ATF7IP2: variants seen among roughly 807,000 people sequenced by gnomAD.
ATF7IP2 encodes activating transcription factor 7-interacting protein 2.
A neutral mutation model predicts 64.2 loss-of-function variants in ATF7IP2; 42 were observed. The observed-to-expected ratio is 0.65, with a 90% confidence interval of 0.51 to 0.85. The LOEUF (loss-of-function observed/expected upper bound fraction) is 0.85. Among genes scored for constraint, ATF7IP2 ranks in the 40% least tolerant of loss-of-function variants. The pLI is 0.00. For synonymous variants in ATF7IP2, 308 were observed against 272.8 expected (o/e 1.13, Z -1.27); for missense variants, 933 against 784.2 (o/e 1.19, Z -2.27).
intron 1 of ATF7IP2, among the ~76,000 whole-genome samples, chr16:10,406,157 G>A (rs184068055): frequency 4.1e-4 from 63 of 152,244 alleles, no homozygotes; most frequent in African/African-American, 1.5e-3. Context: ...TCAGGCTGGA[G>A]TGCAGTGGTG....
intron 9 of ATF7IP2, among the ~76,000 whole-genome samples, chr16:10,458,942 T>G (rs2049274457): frequency 6.6e-6 from 1 of 152,020 alleles, no homozygotes; most frequent in Non-Finnish European, 1.5e-5. Flanking sequence ...TCCCAGCAGT[T>G]TGGGAGGCTG....
intron 12 of ATF7IP2, among the ~76,000 whole-genome samples, chr16:10,477,006 G>A (rs2050034231): frequency 6.6e-6 from 1 of 151,954 alleles, no homozygotes; most frequent in Admixed American, 6.6e-5. Flanking sequence ...TATTCCTTTG[G>A]GTAAATACCC....
intron 9 of ATF7IP2, among the ~76,000 whole-genome samples, chr16:10,461,949 G>C (rs1279090333): frequency 6.6e-6 from 1 of 151,990 alleles, no homozygotes; most frequent in Non-Finnish European, 1.5e-5. Flanking sequence ...CTTACTACCT[G>C]TTTTCTGTTT....
chr16:10,473,909 T>TTTTTTA lies in ATF7IP2; in HGVS notation c.1483-14_1483-13insTTTTTA. ...TGAGGCAAAGCTTTTTTTTTTTTTT[T>TTTTTTA]ACAATTTTTTTAGGCTGTACAGAAG... On this transcript the variant is annotated splice_polypyrimidine_tract_variant and intron_variant, in intron 11 of 13. Transcript: ENST00000562102. The TTTTTTA allele has an allele frequency of 2.1e-6, 3 of 1,409,306 alleles. No individual in the cohort carries two copies. Among genetic ancestry groups the TTTTTTA allele is most frequent in the African/African-American group, 1.5e-5 (1 of 65,602 alleles). 87.3% of individuals were successfully genotyped at this position (1,409,306 alleles called of 1,614,324 possible).
chr16:10,392,978 C>T (rs2047356694), intron 1 of ATF7IP2, among the ~76,000 whole-genome samples: 1 of 151,832 alleles, frequency 6.6e-6, no homozygotes, highest in Non-Finnish European at 1.5e-5. Context: ...CAACGTGAAT[C>T]CATGTCTCCA....
At chr16:10,479,565 T>C (rs1378892203) in intron 12 of ATF7IP2, among the ~76,000 whole-genome samples, 1 of 151,926 alleles carries the variant, frequency 6.6e-6, no homozygotes, top group Non-Finnish European at 1.5e-5. Flanking sequence ...GACGAGTTAA[T>C]GGGTGCAGCA....
intron 8 of ATF7IP2, chr16:10,446,900 T>A (rs933735499): frequency 6.6e-6 from 1 of 152,156 alleles, no homozygotes; most frequent in Non-Finnish European, 1.5e-5. Context: ...GCTGGAGATT[T>A]CTTGCCTTTC....
intron 3 of ATF7IP2, among the ~76,000 whole-genome samples, chr16:10,422,965 C>G (rs2048015481): frequency 6.6e-6 from 1 of 152,220 alleles, no homozygotes. Context: ...AAACTAGAGG[C>G]CAGGTGCAGT....
intron 1 of ATF7IP2, among the ~76,000 whole-genome samples, chr16:10,408,951 G>A (rs962098890): frequency 1.1e-4 from 16 of 152,248 alleles, no homozygotes; most frequent in Non-Finnish European, 2.4e-4. Context: ...TGCTCGGTTC[G>A]CAAAGTGAAA....
intron 1 of ATF7IP2, among the ~76,000 whole-genome samples, chr16:10,414,091 G>A (rs1386308693): frequency 6.6e-6 from 1 of 152,122 alleles, no homozygotes. Flanking sequence ...GAATTTCCCA[G>A]GTGTTCTTTG....
At chr16:10,464,989 C>G (rs941245680) in intron 9 of ATF7IP2, among the ~76,000 whole-genome samples, 1 of 152,122 alleles carries the variant, frequency 6.6e-6, no homozygotes, top group African/African-American at 2.4e-5. Flanking sequence ...TGTTGCCACG[C>G]CCAGCTAATT....
At chr16:10,451,387 C>G (rs1373944105) in intron 8 of ATF7IP2, among the ~76,000 whole-genome samples, 1 of 152,154 alleles carries the variant, frequency 6.6e-6, no homozygotes, top group Non-Finnish European at 1.5e-5. Flanking sequence ...GGAAGTTCTC[C>G]TGGATAATAT....
chr16:10,405,354 A>G (rs926269303), intron 1 of ATF7IP2, among the ~76,000 whole-genome samples: 7 of 152,106 alleles, frequency 4.6e-5, no homozygotes, highest in African/African-American at 7.2e-5. Context: ...CCTGAGCAAC[A>G]ACAGCAAAAC....
intron 8 of ATF7IP2, chr16:10,445,184 C>G (rs180757250): frequency 6.6e-6 from 1 of 152,194 alleles, no homozygotes; most frequent in Non-Finnish European, 1.5e-5. Flanking sequence ...CCAATGGGTT[C>G]CTTGATGCAG....
intron 4 of ATF7IP2, among the ~76,000 whole-genome samples, chr16:10,429,778 TTTAA>T (rs2048184465): frequency 6.8e-6 from 1 of 147,324 alleles, no homozygotes; most frequent in East Asian, 1.9e-4. Context: ...TTTATTTTAA[TTTAA>T]TTTAATTTTT....
intron 1 of ATF7IP2, among the ~76,000 whole-genome samples, chr16:10,410,426 A>T (rs1220571451): frequency 1.3e-5 from 2 of 152,084 alleles, no homozygotes; most frequent in African/African-American, 4.8e-5. Context: ...GACGTTTCTC[A>T]GCTTGGTTGC....
intron 3 of ATF7IP2, among the ~76,000 whole-genome samples, chr16:10,420,625 G>T (rs1021892633): frequency 6.6e-6 from 1 of 152,214 alleles, no homozygotes; most frequent in African/African-American, 2.4e-5. Flanking sequence ...AGGTGTGTGA[G>T]TCCTAATGTA....
chr16:10,470,823 GTATATATATATATATGTGTGTGTA>G lies in ATF7IP2; in HGVS notation c.1353-1279_1353-1256del, dbSNP rs200476522. The stretch of plus-strand genomic sequence containing the variant: ...TATGTATATATATATATGTGTGTGT[GTATATATATATATATGTGTGTGTA>G]TATATATGTGTGTGTGTGTGTGTGT... On this transcript the variant is annotated intron_variant, in intron 9 of 13. Coordinates refer to ENST00000562102, the MANE Select transcript of ATF7IP2 (RefSeq NM_001393719.1). 9.2e-4 allele frequency among the ~76,000 whole-genome samples: 133 copies of G among 143,882 alleles called. 1 individual carries two copies. The East Asian group carries it at 0.016, about 17-fold the overall frequency. 94.4% of individuals were successfully genotyped at this position (143,882 alleles called of 152,430 possible).
chr16:10,474,102 A>G (rs1421817540), intron 12 of ATF7IP2, 113 bp downstream of exon 12: 2 of 688,680 alleles, frequency 2.9e-6, no homozygotes, highest in Non-Finnish European at 2.5e-6. Flanking sequence ...GCCTATGTTT[A>G]TATCTCTGTG....
Sources: allele counts gnomAD v4.1 joint callset (sites outside exome capture counted in the v4.1 genomes callset), GRCh38; gene constraint gnomAD v4.1.1; transcripts MANE v1.5; gene names NCBI Gene and HGNC (gene_info 2026-07-23, HGNC 2026-07-21).